Variants in ACOX1 observed in about 807,000 individuals in gnomAD.
ACOX1 encodes peroxisomal acyl-coenzyme A oxidase 1.
ACOX1 carries 41 observed loss-of-function variants against 75.5 expected under a neutral mutation model. The ratio of observed to expected loss-of-function variants is 0.54; its 90% CI spans 0.42 to 0.70. The LOEUF is 0.70. Among genes scored for constraint, ACOX1 ranks in the 30% least tolerant of loss-of-function variants. ACOX1 has a pLI of 0.00. For synonymous variants in ACOX1, 303 were observed against 298.8 expected (o/e 1.01, Z -0.15); for missense variants, 630 against 837.5 (o/e 0.75, Z 3.06).
chr17:75,957,103 T>C (rs1420435500), intron 4 of ACOX1, among the ~76,000 whole-genome samples: 1 of 148,002 alleles, frequency 6.8e-6, no homozygotes, highest in Non-Finnish European at 1.5e-5. Flanking sequence ...GGGTTGTTTT[T>C]GAGACAAAGT....
rs544337292 is a variant in ACOX1 at position 75,950,252 on chromosome 17, C to CT, written c.1299-356dup. On this transcript the variant is annotated intron_variant, in intron 9 of 13. Coordinates refer to ENST00000293217, the MANE Select transcript of ACOX1 (RefSeq NM_004035.7). The surrounding 1 kb of genome is among the most constrained non-coding windows in gnomAD (Gnocchi z 4.3). ...ACAGGAGTAAGCCACCACACCTGGCCTTTTTTTTTTTGATGGAGTTTTCGC... is the reference window on the plus strand; with the variant it reads ...ACAGGAGTAAGCCACCACACCTGGCCTTTTTTTTTTTTGATGGAGTTTTCGC... Among the ~76,000 whole-genome samples, 8,957 of 142,454 alleles carry CT rather than the reference C, an allele frequency of 0.063. 808 individuals carry two copies. The highest frequency in any genetic ancestry group is 0.21 in the African/African-American group (8,019 of 39,038). The allele number at this position is 142,454 out of a possible 152,430, so 93.5% of individuals were successfully genotyped here. A position where few individuals can be genotyped will look rare whatever the true frequency, so the allele number is the denominator to read the frequency against.
chr17:75,943,794 T>G lies in ACOX1; in HGVS notation c.*2954A>C, dbSNP rs1164330803. 1 of 152,172 alleles carries G rather than the reference T, an allele frequency of 6.6e-6. No individual in the cohort carries two copies. The highest frequency in any genetic ancestry group is 2.4e-5 in the African/African-American group (1 of 41,434). The allele number at this position is 152,172 out of a possible 1,614,324, so 9.4% of individuals were successfully genotyped here. ...GAGCATAAAGTAGAACTCCAAACAC[T>G]TGGGCAAGAAGAAAATCCATTGCAA... On this transcript the variant is annotated 3_prime_UTR_variant, in exon 14 of 14. Coordinates refer to ENST00000293217, the MANE Select transcript of ACOX1 (RefSeq NM_004035.7).
chr17:75,975,791 A>G (rs2144321157), intron 2 of ACOX1, among the ~76,000 whole-genome samples: 1 of 152,170 alleles, frequency 6.6e-6, no homozygotes, highest in African/African-American at 2.4e-5. Flanking sequence ...AAAATACAAA[A>G]GTTAGCTGGG....
chr17:75,963,110 G>A (rs1441854700), intron 2 of ACOX1, among the ~76,000 whole-genome samples: 3 of 151,954 alleles, frequency 2.0e-5, no homozygotes, highest in Non-Finnish European at 4.4e-5. Flanking sequence ...CAGCCTGGGC[G>A]ACAGAGACTC....
At chr17:75,962,035 T>C (rs969069664) in intron 2 of ACOX1, among the ~76,000 whole-genome samples, 1 of 152,180 alleles carries the variant, frequency 6.6e-6, no homozygotes, top group Non-Finnish European at 1.5e-5. Flanking sequence ...GGATTTTTTT[T>C]CTGTTTTGTC....
chr17:75,957,605 G>T, intron 3 of ACOX1, 39 bp from the exon 4 acceptor site: 1 of 1,542,008 alleles, frequency 6.5e-7, no homozygotes, highest in Non-Finnish European at 9.0e-7. Context: ...TTAAGAGATG[G>T]GGAAAAAAAT....
At chr17:75,967,615 C>CATACATATATATATACATACATATAT in intron 2 of ACOX1, among the ~76,000 whole-genome samples, 1 of 131,028 alleles carries the variant, frequency 7.6e-6, no homozygotes, top group East Asian at 2.6e-4. Flanking sequence ...TATATATATA[C>CATACATATATATATACATACATATAT]ATACATATAT....
At chr17:75,952,698 C>T (rs1231251141) in intron 7 of ACOX1, among the ~76,000 whole-genome samples, 12 of 151,614 alleles carry the variant, frequency 7.9e-5, no homozygotes, top group Admixed American at 3.9e-4. Flanking sequence ...GGCATGGTGG[C>T]GTGCACCTGT....
In ACOX1 at chr17:75,962,489, TATC is replaced by T. The variant is rs142390592; in HGVS notation, c.270-2117_270-2115del. Among the ~76,000 whole-genome samples, 9 of 152,328 alleles carry T rather than the reference TATC, an allele frequency of 5.9e-5. No individual in the cohort carries two copies. In the East Asian group the frequency reaches 1.7e-3, roughly 29 times the overall value. On this transcript the variant is annotated intron_variant, in intron 2 of 13. Transcript: ENST00000293217. Reference sequence around the variant, plus strand: ...AAATCCGTCAACTCCATATTGCTCTTATCATTCTATGTGTCTTTGAAATGAGCA... The same window carrying T: ...AAATCCGTCAACTCCATATTGCTCTTATTCTATGTGTCTTTGAAATGAGCA...
chr17:75,977,787 T>G (rs1356159641), intron 2 of ACOX1, among the ~76,000 whole-genome samples: 1 of 152,126 alleles, frequency 6.6e-6, no homozygotes, highest in Non-Finnish European at 1.5e-5. Flanking sequence ...CACACTACCA[T>G]ATAATATAAT....
rs1276517567 is a variant in ACOX1 at position 75,943,634 on chromosome 17, T to C, written c.*3114A>G. On this transcript the variant is annotated 3_prime_UTR_variant, in exon 14 of 14. Coordinates refer to ENST00000293217, the MANE Select transcript of ACOX1 (RefSeq NM_004035.7). ...ACAAGTGGTGACTTCTCAGAAAGCA[T>C]ATGAACACGGTGAATGTTGTAATGT... 1 of 152,236 alleles carries C rather than the reference T, an allele frequency of 6.6e-6. No homozygotes were observed. Among genetic ancestry groups the C allele is most frequent in the Non-Finnish European group, 1.5e-5 (1 of 68,046 alleles). The allele number at this position is 152,236 out of a possible 1,614,324, so 9.4% of individuals were successfully genotyped here. A position where few individuals can be genotyped will look rare whatever the true frequency, so the allele number is the denominator to read the frequency against.
Position 75,944,680 on chromosome 17 carries a change from A to T in ACOX1, c.*2068T>A, listed in dbSNP as rs1375746683. On this transcript the variant is annotated 3_prime_UTR_variant, in exon 14 of 14. Transcript: ENST00000293217. ...GTTTACTCTATCTTTATTCTTGATT[A>T]TATTGAATAAAGTTCAAGACAGAAC... The T allele has an allele frequency of 6.6e-6, 1 of 152,200 alleles. No homozygotes were observed. Among genetic ancestry groups the T allele is most frequent in the East Asian group, 1.9e-4 (1 of 5,202 alleles). The allele number at this position is 152,200 out of a possible 1,614,324, so 9.4% of individuals were successfully genotyped here.
intron 12 of ACOX1, 108 bp downstream of exon 12, chr17:75,949,109 C>G: frequency 7.5e-7 from 1 of 1,338,124 alleles, no homozygotes; most frequent in Non-Finnish European, 1.1e-6. Flanking sequence ...CCGTACCCGC[C>G]TTGGGCTCCC....
intron 4 of ACOX1, among the ~76,000 whole-genome samples, chr17:75,956,965 CTCTCTCTA>C (rs2065835857): frequency 7.0e-5 from 1 of 14,372 alleles, no homozygotes; most frequent in Non-Finnish European, 1.1e-4. Flanking sequence ...CTCTCTCTCT[CTCTCTCTA>C]TATATATATA....
intron 2 of ACOX1, among the ~76,000 whole-genome samples, chr17:75,970,816 A>G (rs553152283): frequency 6.6e-6 from 1 of 152,224 alleles, no homozygotes; most frequent in Non-Finnish European, 1.5e-5. Context: ...TGTATTCCAT[A>G]TAAGATAAAA....
At chr17:75,971,495 AC>A (rs2065994030) in intron 2 of ACOX1, among the ~76,000 whole-genome samples, 1 of 151,830 alleles carries the variant, frequency 6.6e-6, no homozygotes, top group Admixed American at 6.6e-5. Flanking sequence ...TAATCCCAGC[AC>A]TTTGGGAGGC....
At chr17:75,975,315 AG>A (rs2066037846) in intron 2 of ACOX1, among the ~76,000 whole-genome samples, 1 of 151,634 alleles carries the variant, frequency 6.6e-6, no homozygotes. Flanking sequence ...TGTGCCACCA[AG>A]CCCGGTTAAT....
In ACOX1 at chr17:75,978,800, G is replaced by A. The variant is rs1598206547; in HGVS notation, c.110-107C>T. 1 of 1,605,410 alleles carries A rather than the reference G, an allele frequency of 6.2e-7. No individual in the cohort carries two copies. Among genetic ancestry groups the A allele is most frequent in the Middle Eastern group, 2.0e-4 (1 of 4,920 alleles). On this transcript the variant is annotated intron_variant, in intron 1 of 13. Coordinates refer to ENST00000293217, the MANE Select transcript of ACOX1 (RefSeq NM_004035.7). The surrounding 1 kb of genome is among the most constrained non-coding windows in gnomAD (Gnocchi z 4.2). ...AGAGTCGCGGACACACCTGGGGAATGGCGATATCCCCCCACCAGGGACACA... is the reference window on the plus strand; with the variant it reads ...AGAGTCGCGGACACACCTGGGGAATAGCGATATCCCCCCACCAGGGACACA...
intron 3 of ACOX1, among the ~76,000 whole-genome samples, chr17:75,958,803 G>C (rs540649291): frequency 3.3e-5 from 4 of 119,826 alleles, no homozygotes; most frequent in Non-Finnish European, 6.3e-5. Context: ...GCACGACTCC[G>C]TCTCAAAAAA....
Sources: gnomAD v4.1 joint callset for allele counts (sites outside exome capture counted in the v4.1 genomes callset) on GRCh38, gnomAD v4.1.1 for gene constraint, Gnocchi (gnomAD v3.1) non-coding constraint, MANE v1.5 for transcripts, NCBI Gene and HGNC (gene_info 2026-07-23, HGNC 2026-07-21) for gene names.